Variants in PTPRT observed in about 807,000 individuals in gnomAD.
The protein encoded by PTPRT is receptor-type tyrosine-protein phosphatase T.
A neutral mutation model predicts 176.8 loss-of-function variants in PTPRT; 56 were observed. The ratio of observed to expected loss-of-function variants is 0.32; its 90% confidence interval spans 0.26 to 0.40. The LOEUF is 0.40. Among genes scored for constraint, PTPRT ranks in the 10% least tolerant of loss-of-function variants. The pLI is 1.00. For synonymous variants in PTPRT, 783 were observed against 739.0 expected, an observed-to-expected ratio of 1.06 and a Z score of -0.96; for missense variants, 1,540 against 1,908.2, an observed-to-expected ratio of 0.81 and a Z score of 3.60.
At chr20:42,436,660 G>T (rs2145818949) in intron 9 of PTPRT, among the ~76,000 whole-genome samples, 1 of 152,304 alleles carries the variant, frequency 6.6e-6, no homozygotes, top group East Asian at 1.9e-4. Flanking sequence ...TTTACCATCT[G>T]ACCTAGTTTC....
At chr20:42,601,971 A>C (rs915523379) in intron 7 of PTPRT, among the ~76,000 whole-genome samples, 1 of 152,174 alleles carries the variant, frequency 6.6e-6, no homozygotes, top group Non-Finnish European at 1.5e-5. Context: ...ACAAGCAACA[A>C]AAACTGAACT....
intron 13 of PTPRT, among the ~76,000 whole-genome samples, chr20:42,255,259 G>A (rs544325094): frequency 3.8e-4 from 58 of 152,260 alleles, no homozygotes; most frequent in Non-Finnish European, 6.3e-4. Flanking sequence ...CCTGTTAACC[G>A]CAATGTGATT....
chr20:42,916,534 C>A (rs1475987363), intron 1 of PTPRT, among the ~76,000 whole-genome samples: 1 of 152,208 alleles, frequency 6.6e-6, no homozygotes, highest in Non-Finnish European at 1.5e-5. Flanking sequence ...CCTGAGGAAT[C>A]GCCACACTGA....
intron 1 of PTPRT, among the ~76,000 whole-genome samples, chr20:43,014,960 C>T (rs1443828894): frequency 6.6e-6 from 1 of 152,218 alleles, no homozygotes; most frequent in East Asian, 1.9e-4. Flanking sequence ...CTACCTAAGA[C>T]TTTAATGACA....
At chr20:42,382,026 A>G (rs1168050806) in intron 9 of PTPRT, among the ~76,000 whole-genome samples, 4 of 152,230 alleles carry the variant, frequency 2.6e-5, no homozygotes, top group African/African-American at 7.2e-5. Context: ...ATTAGATTCC[A>G]TAATACATTG....
chr20:42,357,048 A>C (rs1328481815), intron 9 of PTPRT, among the ~76,000 whole-genome samples: 1 of 152,140 alleles, frequency 6.6e-6, no homozygotes, highest in East Asian at 1.9e-4. Flanking sequence ...ACGTTTCCAG[A>C]GTCACCTGTC....
At chr20:42,354,666 A>G (rs1039153754) in intron 9 of PTPRT, among the ~76,000 whole-genome samples, 1 of 152,192 alleles carries the variant, frequency 6.6e-6, no homozygotes, top group Non-Finnish European at 1.5e-5. Context: ...GAGAGAGGTA[A>G]GCCAGCTATA....
rs574221948 is a variant in PTPRT at position 42,648,966 on chromosome 20, C to T, written c.1153+28900G>A. Among the ~76,000 whole-genome samples the T allele has an allele frequency of 1.4e-4, 22 of 151,862 alleles. No individual in the cohort carries two copies. The South Asian group carries it at 3.7e-3, about 26-fold the overall frequency. On this transcript the variant is annotated intron_variant, in intron 7 of 30. Transcript: ENST00000373187. Reference sequence around the variant, plus strand: ...CCCGAGTAGCTGGGACTACAGGCACCTGCCACCATGCCTGGCTAATTTTTT... The same window carrying T: ...CCCGAGTAGCTGGGACTACAGGCACTTGCCACCATGCCTGGCTAATTTTTT...
intron 1 of PTPRT, among the ~76,000 whole-genome samples, chr20:42,995,829 AT>A (rs918014074): frequency 3.3e-5 from 5 of 151,584 alleles, no homozygotes; most frequent in African/African-American, 1.2e-4. Context: ...CTCCTTTATA[AT>A]TTTTTTTAAT....
At chr20:43,083,347 T>TATATATATATATAAAC in intron 1 of PTPRT, among the ~76,000 whole-genome samples, 1 of 97,784 alleles carries the variant, frequency 1.0e-5, no homozygotes, top group East Asian at 2.8e-4. Flanking sequence ...TATATATATA[T>TATATATATATATAAAC]ATATATATAT....
chr20:42,173,568 A>G (rs1990163378), intron 16 of PTPRT, among the ~76,000 whole-genome samples: 1 of 152,182 alleles, frequency 6.6e-6, no homozygotes, highest in Non-Finnish European at 1.5e-5. Context: ...GTTCCACAGC[A>G]TAGGTTGTAT....
At chr20:42,527,292 T>C (rs1387181020) in intron 7 of PTPRT, among the ~76,000 whole-genome samples, 1 of 152,126 alleles carries the variant, frequency 6.6e-6, no homozygotes, top group East Asian at 1.9e-4. Flanking sequence ...CAGTGTTTCC[T>C]TCCTTGATTC....
At chr20:42,689,717 G>T (rs1212245409) in intron 6 of PTPRT, among the ~76,000 whole-genome samples, 1 of 152,200 alleles carries the variant, frequency 6.6e-6, no homozygotes, top group African/African-American at 2.4e-5. Flanking sequence ...TCCTGGATAA[G>T]TGAAGAAGGG....
In PTPRT at chr20:43,189,584, G is replaced by C; in HGVS notation, c.88+62C>G. ...TTTCTCCTCCGAGGGCCCCGCGGCT[G>C]GGGGCCCGCGCGCATCCAGGAGGGA... On this transcript the variant is annotated intron_variant, in intron 1 of 30. Transcript: ENST00000373187. The surrounding 1 kb of genome is among the most constrained non-coding windows in gnomAD (Gnocchi z 5.0). The C allele has an allele frequency of 1.8e-6, 2 of 1,091,780 alleles. No homozygotes were observed. The highest frequency in any genetic ancestry group is 2.3e-6 in the Non-Finnish European group (2 of 868,632). The allele number at this position is 1,091,780 out of a possible 1,614,324, so 67.6% of individuals were successfully genotyped here.
chr20:43,179,562 T>C, intron 1 of PTPRT, among the ~76,000 whole-genome samples: 1 of 152,206 alleles, frequency 6.6e-6, no homozygotes, highest in Admixed American at 6.5e-5. Context: ...ACTTCAATTT[T>C]GGGGGTAAAG....
chr20:42,577,867 G>T (rs1364266585), intron 7 of PTPRT, among the ~76,000 whole-genome samples: 1 of 140,874 alleles, frequency 7.1e-6, no homozygotes, highest in African/African-American at 2.8e-5. Flanking sequence ...GTGTGTGTGT[G>T]TACAGGCATA....
intron 10 of PTPRT, among the ~76,000 whole-genome samples, chr20:42,351,770 G>T (rs1376810162): frequency 1.3e-5 from 2 of 152,194 alleles, no homozygotes; most frequent in Non-Finnish European, 2.9e-5. Flanking sequence ...CAAAAAGAAT[G>T]TTCCTGAAAA....
At position 43,152,953 on chromosome 20, in the gene PTPRT, A is replaced by G. The variant is rs569923244; in HGVS notation, c.88+36693T>C. Among the ~76,000 whole-genome samples the G allele has an allele frequency of 2.0e-4, 31 of 152,168 alleles. 1 individual carries two copies. In the East Asian group the frequency reaches 3.3e-3, roughly 16 times the overall value. ...TTTTTTTTTTACCTACTTGTTCTAC[A>G]TTTTTACCCTTCAACCAGGTTTTAT... On this transcript the variant is annotated intron_variant, in intron 1 of 30. Transcript: ENST00000373187.
chr20:42,910,828 T>C (rs1258817825), intron 1 of PTPRT, among the ~76,000 whole-genome samples: 3 of 152,148 alleles, frequency 2.0e-5, no homozygotes, highest in African/African-American at 7.2e-5. Context: ...AATGGGTAAT[T>C]TATAAAGGAC....
Sources: gnomAD v4.1 joint callset for allele counts (sites outside exome capture counted in the v4.1 genomes callset) on GRCh38, gnomAD v4.1.1 for gene constraint, Gnocchi (gnomAD v3.1) non-coding constraint, MANE v1.5 for transcripts, NCBI Gene and HGNC (gene_info 2026-07-23, HGNC 2026-07-21) for gene names.